The following ZNF318 variants were observed in gnomAD, a reference collection of about 807,000 sequenced individuals.
ZNF318 encodes endocrine regulator.
Under a neutral mutation model 124.2 loss-of-function variants are expected in ZNF318, and 51 were observed. The observed-to-expected ratio is 0.41, with a 90% confidence interval of 0.33 to 0.52. The LOEUF (loss-of-function observed/expected upper bound fraction) is 0.52, where lower values mean the gene tolerates loss of function less well. Ranked by LOEUF, ZNF318 falls within the 20% of genes least tolerant of loss-of-function variation. The probability of loss-of-function intolerance (pLI) is 0.23; values close to 1 mark genes in which losing one functional copy is unlikely to be tolerated. For synonymous variants in ZNF318, 1,090 were observed against 1,040.7 expected, an observed-to-expected ratio of 1.05 and a Z score of -0.91; for missense variants, 2,815 against 2,811.2, an observed-to-expected ratio of 1.00 and a Z score of -0.03.
At chr6:43,342,047 TTC>T in intron 8 of ZNF318, 63 bp downstream of exon 8, 1 of 1,416,552 alleles carries the variant, frequency 7.1e-7, no homozygotes, top group Non-Finnish European at 1.0e-6. Context: ...ACAATGTTAG[TTC>T]AGGGACACCT....
chr6:43,344,659 T>C (rs988036409), intron 6 of ZNF318, among the ~76,000 whole-genome samples: 2 of 152,112 alleles, frequency 1.3e-5, no homozygotes, highest in African/African-American at 4.8e-5. Flanking sequence ...TAACATGGAC[T>C]TATTTATTTA....
intron 4 of ZNF318, among the ~76,000 whole-genome samples, chr6:43,354,104 TACACAC>T (rs376470195): frequency 1.3e-4 from 20 of 150,332 alleles, no homozygotes; most frequent in Admixed American, 1.2e-3. Flanking sequence ...TACACACACA[TACACAC>T]ACACACACAC....
chr6:43,355,866 G>A lies in ZNF318; in HGVS notation c.1468C>T (p.His490Tyr). 1 of 1,614,226 alleles carries A rather than the reference G, an allele frequency of 6.2e-7. No individual in the cohort carries two copies. ...TCATGGGGCAGCAGGAAGTCTGTGT[G>A]TCGCTCAGGTCCCTCAGCCTTCAAA... ...LDLKAEGPER[H>Y]TDFLLPHERA... Residue 490 changes from histidine to tyrosine, a missense_variant, in exon 4 of 10, where the codon CAC (histidine) becomes TAC (tyrosine). Physicochemically the swap from His to Tyr is moderately conservative, Grantham distance 83 (BLOSUM62 2). This residue lies in a region of ZNF318 where 1,377 missense variants were observed against 1,353.5 expected (regional missense o/e 1.02). Transcript: ENST00000361428.
chr6:43,337,342 T>G lies in ZNF318; in HGVS notation c.6656A>C (p.Glu2219Ala). The G allele has an allele frequency of 6.2e-7, 1 of 1,614,192 alleles. No individual in the cohort carries two copies. Among genetic ancestry groups the G allele is most frequent in the African/African-American group, 1.3e-5 (1 of 75,062 alleles). Residue 2219 changes from glutamate to alanine, a missense_variant, in exon 10 of 10, where the codon GAG becomes GCG. Transcript: ENST00000361428. ...ATCATCTACTTGCAGAATTGCCACC[T>G]CTGTGGTGGATGCATTCGATATTTC... ...QLEISNASTT[E>A]VAILQVDDDS...
rs769500885 is a variant in ZNF318 at position 43,337,444 on chromosome 6, T to C, written c.6554A>G (p.Asp2185Gly). The change falls in exon 10 of 10, where the codon GAT becomes GGT. Residue 2185 changes from aspartate to glycine, a missense_variant. Asp to Gly is a moderately conservative substitution (Grantham distance 94, BLOSUM62 -1). Coordinates refer to ENST00000361428, the MANE Select transcript of ZNF318 (RefSeq NM_014345.3). ...CTCAGAGAGTGGAGAACACAGTTTA[T>C]CTTTTTGAACTCCAGAGGTCCGTGT... is the stretch of plus-strand genomic sequence containing the variant. ...FVTRTSGVQK[D>G]KLCSPLSEPG... is the part of the protein sequence containing the mutation. 1.2e-6 allele frequency: 2 copies of C among 1,614,208 alleles called. No homozygotes were observed. Among genetic ancestry groups the C allele is most frequent in the South Asian group, 1.1e-5 (1 of 91,078 alleles).
At position 43,364,077 on chromosome 6, in the gene ZNF318, G is replaced by C. The variant is rs1223149029; in HGVS notation, c.548+1215C>G. ...CTCATGATGGCTGGTATTGATGACT[G>C]CTACACCTCAGCCAGGGGCTGCACT... On this transcript the variant is annotated intron_variant, in intron 2 of 9. Transcript: ENST00000361428. The C allele has an allele frequency of 5.3e-6, 6 of 1,137,702 alleles. No individual in the cohort carries two copies. The East Asian group carries it at 1.2e-4, about 22-fold the overall frequency. The allele number at this position is 1,137,702 out of a possible 1,614,324, so 70.5% of individuals were successfully genotyped here. A position where few individuals can be genotyped will look rare whatever the true frequency, so the allele number is the denominator to read the frequency against.
chr6:43,340,343 C>A lies in ZNF318; in HGVS notation c.3655G>T (p.Ala1219Ser). Residue 1219 changes from alanine to serine, a missense_variant, in exon 10 of 10, where the codon GCT (alanine) becomes TCT (serine). Ala to Ser is a moderately conservative substitution (Grantham distance 99). Around this residue, in one of 4 missense-constraint regions of ZNF318, gnomAD observed 500 missense variants for 605.2 expected, o/e 0.83. Transcript: ENST00000361428. Reference sequence around the variant, plus strand: ...TCATCCTCCTTTACTTCTTTCACAGCCTTTGCCTTTTTTTCTTTCTTCTCC... The same window carrying A: ...TCATCCTCCTTTACTTCTTTCACAGACTTTGCCTTTTTTTCTTTCTTCTCC... Reference protein sequence around the residue: ...KEEKKEKKAKAVKEVKEDDKV... With the variant: ...KEEKKEKKAKSVKEVKEDDKV... 1 of 1,614,132 alleles carries A rather than the reference C, an allele frequency of 6.2e-7. No individual in the cohort carries two copies. Among genetic ancestry groups the A allele is most frequent in the Non-Finnish European group, 8.5e-7 (1 of 1,180,040 alleles).
chr6:43,337,374 T>TA lies in ZNF318; in HGVS notation c.6623dup (p.Leu2208PhefsTer20). On this transcript the variant is annotated frameshift_variant, in exon 10 of 10. Coordinates refer to ENST00000361428, the MANE Select transcript of ZNF318 (RefSeq NM_014345.3). LOFTEE classifies it low-confidence loss of function (END_TRUNC). ...TGGATGCATTCGATATTTCTAGCTG[T>TA]AATGGCCCCAACTCCAGGGAACTAC... 6.2e-7 allele frequency: 1 copy of TA among 1,614,176 alleles called. No homozygotes were observed. The highest frequency in any genetic ancestry group is 8.5e-7 in the Non-Finnish European group (1 of 1,180,022).
chr6:43,342,070 T>C lies in ZNF318; in HGVS notation c.3376+42A>G, dbSNP rs367670528. Reference sequence around the variant, plus strand: ...AGTTCAGGGACACCTCTTCCTCAACTGAATGTAAGGAAACCACAAAGGTGG... The same window carrying C: ...AGTTCAGGGACACCTCTTCCTCAACCGAATGTAAGGAAACCACAAAGGTGG... On this transcript the variant is annotated intron_variant, in intron 8 of 9. Coordinates refer to ENST00000361428, the MANE Select transcript of ZNF318 (RefSeq NM_014345.3). 466 of 1,566,080 alleles carry C rather than the reference T, an allele frequency of 3.0e-4. 2 individuals carry two copies. Among genetic ancestry groups the C allele is most frequent in the South Asian group, 1.0e-3 (93 of 90,110 alleles).
At position 43,338,836 on chromosome 6, in the gene ZNF318, A is replaced by G; in HGVS notation, c.5162T>C (p.Leu1721Pro). 1 of 1,614,156 alleles carries G rather than the reference A, an allele frequency of 6.2e-7. No individual in the cohort carries two copies. Among genetic ancestry groups the G allele is most frequent in the Non-Finnish European group, 8.5e-7 (1 of 1,180,020 alleles). Residue 1721 changes from leucine to proline, a missense_variant, in exon 10 of 10, where the codon CTG becomes CCG. Physicochemically the swap from Leu to Pro is moderately conservative, Grantham distance 98. Around this residue, in one of 4 missense-constraint regions of ZNF318, gnomAD observed 927 missense variants for 820.6 expected, o/e 1.13. Transcript: ENST00000361428. ...DISPEKSELD[L>P]GEPGPPGVEP... The stretch of plus-strand genomic sequence containing the variant: ...TACACCAGGTGGTCCTGGCTCTCCC[A>G]GGTCAAGCTCACTCTTCTCTGGAGA...
In ZNF318 at chr6:43,339,141, G is replaced by A. The variant is rs775495919; in HGVS notation, c.4857C>T (p.Asn1619=). The change falls in exon 10 of 10, where the codon AAC becomes AAT. Residue 1619 remains asparagine, a synonymous_variant. Transcript: ENST00000361428. This position sits in a 1 kb window ranked among gnomAD's most constrained non-coding sequence, Gnocchi z 4.2. ...SSDTSSTSPL[N]SSASQEELHQ... ...GCAACTCCTCTTGGGATGCACTGCT[G>A]TTCAAAGGAGAAGTAGAAGAGGTGT... 17 of 1,614,180 alleles carry A rather than the reference G, an allele frequency of 1.1e-5. No homozygotes were observed. The Admixed American group carries it at 2.7e-4, about 25-fold the overall frequency.
chr6:43,362,819 A>G (rs1418267172), intron 2 of ZNF318, among the ~76,000 whole-genome samples: 1 of 152,136 alleles, frequency 6.6e-6, no homozygotes, highest in Non-Finnish European at 1.5e-5. Flanking sequence ...ATCTACATAC[A>G]AAGGATATAA....
chr6:43,361,446 TC>T lies in ZNF318; in HGVS notation c.549-3682del, dbSNP rs1779681206. Among the ~76,000 whole-genome samples, 3 of 152,198 alleles carry T rather than the reference TC, an allele frequency of 2.0e-5. 1 individual carries two copies. Among genetic ancestry groups the T allele is most frequent in the Admixed American group, 2.0e-4 (3 of 15,280 alleles). On this transcript the variant is annotated intron_variant, in intron 2 of 9. Coordinates refer to ENST00000361428, the MANE Select transcript of ZNF318 (RefSeq NM_014345.3). Reference sequence around the variant, plus strand: ...CCAGGTGTGGCAGTGCAGCCCATAGTCCTAGCTACTCTTTAGACTGAGCTGG... The same window carrying T: ...CCAGGTGTGGCAGTGCAGCCCATAGTCTAGCTACTCTTTAGACTGAGCTGG...
At chr6:43,346,437 C>T (rs969502953) in intron 6 of ZNF318, among the ~76,000 whole-genome samples, 3 of 149,986 alleles carry the variant, frequency 2.0e-5, no homozygotes, top group Non-Finnish European at 4.4e-5. Context: ...GCCGAGATTG[C>T]GCCACTGCAC....
chr6:43,343,690 A>G (rs1779402603), intron 6 of ZNF318, among the ~76,000 whole-genome samples: 1 of 151,770 alleles, frequency 6.6e-6, no homozygotes, highest in Non-Finnish European at 1.5e-5. Flanking sequence ...TTACCCGGGC[A>G]TGGTGGTGTG....
chr6:43,368,801 G>A (rs1197129554), intron 1 of ZNF318, 166 bp downstream of exon 1: 1 of 984,218 alleles, frequency 1.0e-6, no homozygotes, highest in Non-Finnish European at 1.2e-6. Context: ...TTGTGTCAAC[G>A]CTCCCGGGTC....
chr6:43,339,497 G>C lies in ZNF318; in HGVS notation c.4501C>G (p.Pro1501Ala). 6.2e-7 allele frequency: 1 copy of C among 1,614,124 alleles called. No individual in the cohort carries two copies. Among genetic ancestry groups the C allele is most frequent in the South Asian group, 1.1e-5 (1 of 91,080 alleles). Reference sequence around the variant, plus strand: ...TGTGCTGAGGCCATGATGGCTACAGGCAACACTGGGTTCAAAATGTTAGGA... The same window carrying C: ...TGTGCTGAGGCCATGATGGCTACAGCCAACACTGGGTTCAAAATGTTAGGA... The part of the protein sequence containing the change: ...VGPNILNPVL[P>A]VAIMASAQPA... The change falls in exon 10 of 10, where the codon CCT becomes GCT. Residue 1501 changes from proline (P) to alanine (A), a missense_variant. Pro to Ala is a conservative substitution (Grantham distance 27). Around this residue, in one of 4 missense-constraint regions of ZNF318, gnomAD observed 500 missense variants for 605.2 expected, o/e 0.83. Coordinates refer to ENST00000361428, the MANE Select transcript of ZNF318 (RefSeq NM_014345.3). The surrounding 1 kb of genome is among the most constrained non-coding windows in gnomAD (Gnocchi z 4.2).
At position 43,337,650 on chromosome 6, in the gene ZNF318, G is replaced by A. The variant is rs556453631; in HGVS notation, c.6348C>T (p.Gly2116=). Residue 2116 remains glycine (G), a synonymous_variant, in exon 10 of 10, where the codon GGC becomes GGT. Transcript: ENST00000361428. ...GGTGTGTTCCCTCTAGGCCCCCCAAGCCACGGTCAACATTTTCTGTAAGTC... is the reference window on the plus strand; with the variant it reads ...GGTGTGTTCCCTCTAGGCCCCCCAAACCACGGTCAACATTTTCTGTAAGTC... The part of the protein sequence containing the change: ...KTGLTENVDR[G]LGGLEGTHQA... 6.2e-7 allele frequency: 1 copy of A among 1,614,076 alleles called. No individual in the cohort carries two copies. The highest frequency in any genetic ancestry group is 1.7e-5 in the Admixed American group (1 of 60,020).
At chr6:43,363,569 G>A (rs527640863) in intron 2 of ZNF318, 8 of 298,996 alleles carry the variant, frequency 2.7e-5, no homozygotes, top group South Asian at 4.8e-5. Flanking sequence ...CACGGAGCTC[G>A]TGGAGGCAAG....
Sources: gnomAD v4.1 joint callset for allele counts (sites outside exome capture counted in the v4.1 genomes callset) on GRCh38, gnomAD v4.1.1 for gene constraint, gnomAD v4.1.1 regional missense constraint, Gnocchi (gnomAD v3.1) non-coding constraint, MANE v1.5 for transcripts, NCBI Gene and HGNC (gene_info 2026-07-23, HGNC 2026-07-21) for gene names.